SMAD9: variants seen among roughly 807,000 people sequenced by gnomAD.
SMAD9 encodes the protein MAD homolog 9.
SMAD9 carries 36 observed loss-of-function variants against 46.1 expected under a neutral mutation model. The ratio of observed to expected loss-of-function variants is 0.78; its 90% CI spans 0.60 to 1.03. SMAD9 has a LOEUF of 1.03. SMAD9 is among the 50% of genes least tolerant of loss of function. The probability of loss-of-function intolerance (pLI) is 0.00; values close to 1 mark genes in which losing one functional copy is unlikely to be tolerated. For synonymous variants in SMAD9, 245 were observed against 237.1 expected (o/e 1.03, Z -0.31); for missense variants, 572 against 599.8 (o/e 0.95, Z 0.48).
At chr13:36,879,997 G>C (rs973136658) in intron 1 of SMAD9, 122 bp from the exon 2 acceptor site, 1 of 406,464 alleles carries the variant, frequency 2.5e-6, no homozygotes, top group Non-Finnish European at 4.6e-6. Flanking sequence ...TGAATGGCTC[G>C]AGCCCAGGAG....
rs570835787 is a variant in SMAD9 at position 36,906,560 on chromosome 13, C to G, written c.-187+13556G>C. Among the ~76,000 whole-genome samples the G allele has an allele frequency of 3.8e-3, 581 of 152,102 alleles. 3 individuals are homozygous for G. The highest frequency in any genetic ancestry group is 6.6e-3 in the Admixed American group (100 of 15,266). ...CTTAAAACTCAACAACAACAAAAAA[C>G]AAACCACCCAATTCAAAAGAGGCAA... On this transcript the variant is annotated intron_variant, in intron 1 of 6. Transcript: ENST00000379826.
chr13:36,896,108 A>G (rs2064443790), intron 1 of SMAD9, among the ~76,000 whole-genome samples: 2 of 134,700 alleles, frequency 1.5e-5, no homozygotes, highest in Non-Finnish European at 3.2e-5. Context: ...AATCCTGTTG[A>G]GTATTTATTT....
chr13:36,900,846 G>A (rs144712094), intron 1 of SMAD9, among the ~76,000 whole-genome samples: 4 of 152,186 alleles, frequency 2.6e-5, no homozygotes, highest in Admixed American at 1.3e-4. Flanking sequence ...CAATCACAGT[G>A]TTATGTAACC....
intron 1 of SMAD9, among the ~76,000 whole-genome samples, chr13:36,898,597 T>G (rs2058548707): frequency 6.6e-6 from 1 of 152,114 alleles, no homozygotes; most frequent in Non-Finnish European, 1.5e-5. Context: ...AATGCAAAAC[T>G]GGTATTAAAT....
chr13:36,900,181 TTTCCAA>T (rs1394394025), intron 1 of SMAD9, among the ~76,000 whole-genome samples: 2 of 152,240 alleles, frequency 1.3e-5, no homozygotes, highest in African/African-American at 2.4e-5. Flanking sequence ...ACTTACTGTT[TTTCCAA>T]CGTTCTTCAT....
At chr13:36,853,698 T>A in intron 5 of SMAD9, 23 bp from the exon 6 acceptor site, 2 of 1,613,158 alleles carry the variant, frequency 1.2e-6, no homozygotes, top group Non-Finnish European at 1.7e-6. Context: ...AAACACAGCC[T>A]TCCTTCACAT....
intron 1 of SMAD9, among the ~76,000 whole-genome samples, chr13:36,911,534 A>T (rs1438296707): frequency 6.9e-6 from 1 of 144,608 alleles, no homozygotes; most frequent in East Asian, 2.1e-4. Flanking sequence ...TAATATATAT[A>T]TTTTTAATGA....
At chr13:36,919,769 G>A (rs1461189009) in intron 1 of SMAD9, among the ~76,000 whole-genome samples, 3 of 149,786 alleles carry the variant, frequency 2.0e-5, no homozygotes, top group Non-Finnish European at 4.4e-5. Flanking sequence ...GCGCGAGGAA[G>A]GCGAGCTGCG....
Position 36,872,782 on chromosome 13 carries a change from C to T in SMAD9, c.546G>A (p.Gln182=). Residue 182 remains glutamine (Q), a synonymous_variant, in exon 3 of 7, where the codon CAG becomes CAA. Coordinates refer to ENST00000379826, the MANE Select transcript of SMAD9 (RefSeq NM_001127217.3). ...PHNATYPDSF[Q]QPPCSALPPS... ...GAGGGAGTGCAGAGCACGGAGGCTG[C>T]TGGAAAGAGTCAGGATAGGTGGCGT... 1 of 1,614,004 alleles carries T rather than the reference C, an allele frequency of 6.2e-7. No homozygotes were observed. Among genetic ancestry groups the T allele is most frequent in the African/African-American group, 1.3e-5 (1 of 74,980 alleles).
At chr13:36,884,523 G>C (rs1011112593) in intron 1 of SMAD9, among the ~76,000 whole-genome samples, 14 of 151,948 alleles carry the variant, frequency 9.2e-5, no homozygotes, top group Non-Finnish European at 1.6e-4. Flanking sequence ...TCTCATTTTC[G>C]AGTCTCTTAA....
Position 36,854,896 on chromosome 13 carries a change from G to A in SMAD9, c.1004-1221C>T, listed in dbSNP as rs922885661. Among the ~76,000 whole-genome samples, 3 of 152,226 alleles carry A rather than the reference G, an allele frequency of 2.0e-5. No homozygotes were observed. The East Asian group carries it at 5.8e-4, about 29-fold the overall frequency. On this transcript the variant is annotated intron_variant, in intron 5 of 6. Transcript: ENST00000379826. ...TAATGTCTATTTTGATTTGTGAAGTGAAATTTCTACATTTTCAGATACAGT... is the reference window on the plus strand; with the variant it reads ...TAATGTCTATTTTGATTTGTGAAGTAAAATTTCTACATTTTCAGATACAGT...
chr13:36,860,808 A>G (rs566527031), intron 5 of SMAD9, among the ~76,000 whole-genome samples: 72 of 151,838 alleles, frequency 4.7e-4, no homozygotes, highest in Non-Finnish European at 1.0e-3. Flanking sequence ...CATCATCATC[A>G]TATTATTATT....
intron 1 of SMAD9, among the ~76,000 whole-genome samples, chr13:36,901,433 T>G (rs1260842750): frequency 1.2e-5 from 1 of 86,686 alleles, no homozygotes; most frequent in African/African-American, 4.6e-5. Context: ...TTTTGGGCCT[T>G]TTTTTTTTTT....
At chr13:36,892,378 C>T (rs980615568) in intron 1 of SMAD9, among the ~76,000 whole-genome samples, 3 of 152,134 alleles carry the variant, frequency 2.0e-5, no homozygotes, top group Non-Finnish European at 2.9e-5. Context: ...ATCAAAGCAC[C>T]ACCCTAGCAA....
chr13:36,881,228 C>T (rs1334226247), intron 1 of SMAD9, among the ~76,000 whole-genome samples: 2 of 152,188 alleles, frequency 1.3e-5, no homozygotes, highest in African/African-American at 4.8e-5. Flanking sequence ...ACAAAACCTC[C>T]TCCTCCTTCC....
chr13:36,910,184 G>A (rs1407677407), intron 1 of SMAD9, among the ~76,000 whole-genome samples: 13 of 149,160 alleles, frequency 8.7e-5, no homozygotes, highest in African/African-American at 1.2e-4. Context: ...GGGACACAGC[G>A]AGACTCCGTC....
chr13:36,896,206 C>A (rs1231762915), intron 1 of SMAD9, among the ~76,000 whole-genome samples: 1 of 152,082 alleles, frequency 6.6e-6, no homozygotes, highest in Non-Finnish European at 1.5e-5. Flanking sequence ...GATCTCGGCT[C>A]ACTGCAACCT....
chr13:36,875,169 A>G (rs1049611685), intron 2 of SMAD9, among the ~76,000 whole-genome samples: 2 of 152,048 alleles, frequency 1.3e-5, no homozygotes, highest in African/African-American at 4.8e-5. Context: ...ATTAATAAAA[A>G]CTCATAAAAA....
chr13:36,890,978 T>C (rs889593921), intron 1 of SMAD9, among the ~76,000 whole-genome samples: 14 of 152,166 alleles, frequency 9.2e-5, no homozygotes, highest in African/African-American at 3.4e-4. Context: ...GAATCTCTCA[T>C]ATGCTAACTC....
Sources: allele counts gnomAD v4.1 joint callset (sites outside exome capture counted in the v4.1 genomes callset), GRCh38; gene constraint gnomAD v4.1.1; transcripts MANE v1.5; gene names NCBI Gene and HGNC (gene_info 2026-07-23, HGNC 2026-07-21).